The following SPOCK3 variants were observed in gnomAD, a reference collection of about 807,000 sequenced individuals.
The protein encoded by SPOCK3 is testican-3.
A neutral mutation model predicts 56.6 loss-of-function variants in SPOCK3; 30 were observed. That is an observed-to-expected ratio of 0.53 (90% CI 0.40 to 0.72). SPOCK3 has a LOEUF of 0.72. Among genes scored for constraint, SPOCK3 ranks in the 30% least tolerant of loss-of-function variants. SPOCK3 has a pLI of 0.00. For synonymous variants in SPOCK3, 196 were observed against 183.3 expected, an observed-to-expected ratio of 1.07 and a Z score of -0.56; for missense variants, 527 against 530.0, an observed-to-expected ratio of 0.99 and a Z score of 0.06.
chr4:166,754,485 T>C lies in SPOCK3; in HGVS notation c.931+23A>G, dbSNP rs776494625. On this transcript the variant is annotated intron_variant, in intron 8 of 10. Transcript: ENST00000357545. ...TTGACATGCAGGTCAACTATTTGCG[T>C]CTGTAAGGGTCTCATCTTTTACCTT... 24 of 1,594,582 alleles carry C rather than the reference T, an allele frequency of 1.5e-5. No homozygotes were observed. The East Asian group carries it at 4.7e-4, about 31-fold the overall frequency.
chr4:166,836,981 G>A (rs1746684470), intron 6 of SPOCK3, among the ~76,000 whole-genome samples: 1 of 152,078 alleles, frequency 6.6e-6, no homozygotes, highest in Non-Finnish European at 1.5e-5. Flanking sequence ...TACTGTATTT[G>A]GAATTGAGTT....
chr4:166,787,670 T>C (rs62355212), intron 7 of SPOCK3, among the ~76,000 whole-genome samples: 35,208 of 152,064 alleles, frequency 0.23, 4,619 homozygotes, highest in East Asian at 0.39. Context: ...TAAGAATAAC[T>C]CTGTTTTAAA....
chr4:167,021,528 C>T (rs995187925), intron 3 of SPOCK3, among the ~76,000 whole-genome samples: 1 of 151,958 alleles, frequency 6.6e-6, no homozygotes, highest in African/African-American at 2.4e-5. Context: ...ACTGTGGTAA[C>T]TTAGGCAAGG....
At chr4:167,200,480 A>G (rs1376282324) in intron 2 of SPOCK3, among the ~76,000 whole-genome samples, 1 of 152,056 alleles carries the variant, frequency 6.6e-6, no homozygotes, top group East Asian at 1.9e-4. Context: ...TCCATCAGCC[A>G]CTAGATACAC....
rs186937237 is a variant in SPOCK3, at chr4:166,765,910, T to G, written c.710-11181A>C. Among the ~76,000 whole-genome samples, 718 of 151,958 alleles carry G rather than the reference T, an allele frequency of 4.7e-3. 4 individuals carry two copies. Among genetic ancestry groups the G allele is most frequent in the African/African-American group, 0.016 (651 of 41,516 alleles). ...CTTGAAGAGGTCCTTCACATCCCTTTTAAGTTGGATTCCTAGGTATTTTAT... is the reference window on the plus strand; with the variant it reads ...CTTGAAGAGGTCCTTCACATCCCTTGTAAGTTGGATTCCTAGGTATTTTAT... On this transcript the variant is annotated intron_variant, in intron 7 of 10. Coordinates refer to ENST00000357545, the MANE Select transcript of SPOCK3 (RefSeq NM_001040159.2).
chr4:166,823,789 T>C (rs1326638482), intron 6 of SPOCK3, among the ~76,000 whole-genome samples: 3 of 152,104 alleles, frequency 2.0e-5, no homozygotes, highest in Admixed American at 1.3e-4. Flanking sequence ...CTCTAAGTTA[T>C]TGATTTCTTG....
chr4:166,775,904 G>T (rs1314376652), intron 7 of SPOCK3, among the ~76,000 whole-genome samples: 1 of 152,072 alleles, frequency 6.6e-6, no homozygotes, highest in East Asian at 1.9e-4. Context: ...ATATAAATGT[G>T]CATTCAAACA....
intron 2 of SPOCK3, among the ~76,000 whole-genome samples, chr4:167,172,290 T>C (rs1730572490): frequency 6.6e-6 from 1 of 152,210 alleles, no homozygotes; most frequent in African/African-American, 2.4e-5. Context: ...ACAAACTTCA[T>C]TGACTTAATA....
At chr4:167,065,871 A>G (rs1219673652) in intron 2 of SPOCK3, among the ~76,000 whole-genome samples, 1 of 151,860 alleles carries the variant, frequency 6.6e-6, no homozygotes, top group Non-Finnish European at 1.5e-5. Context: ...GATTTAGAAA[A>G]CAACTACAAG....
intron 6 of SPOCK3, among the ~76,000 whole-genome samples, chr4:166,862,006 A>G (rs1731290597): frequency 6.6e-6 from 1 of 152,068 alleles, no homozygotes; most frequent in Non-Finnish European, 1.5e-5. Context: ...ATCCTAGCAA[A>G]TCTGAATGAT....
intron 6 of SPOCK3, among the ~76,000 whole-genome samples, chr4:166,840,928 G>A (rs1560916361): frequency 6.6e-6 from 1 of 151,730 alleles, no homozygotes; most frequent in Non-Finnish European, 1.5e-5. Context: ...ATAGGTGCCC[G>A]CCACCACGCC....
At chr4:167,019,239 G>T (rs796920519) in intron 3 of SPOCK3, among the ~76,000 whole-genome samples, 36 of 152,044 alleles carry the variant, frequency 2.4e-4, no homozygotes, top group African/African-American at 6.5e-4. Flanking sequence ...TGGGTCTTTG[G>T]CACCCATTTT....
At chr4:167,112,798 A>G (rs2629387) in intron 2 of SPOCK3, among the ~76,000 whole-genome samples, 23,578 of 151,570 alleles carry the variant, frequency 0.16, 2,154 homozygotes, top group Middle Eastern at 0.22. Context: ...CCCATCAAAA[A>G]TTTCCCTAAA....
At chr4:167,104,267 T>C (rs185552484) in intron 2 of SPOCK3, among the ~76,000 whole-genome samples, 13 of 152,128 alleles carry the variant, frequency 8.5e-5, no homozygotes, top group Admixed American at 5.9e-4. Context: ...CCTGGAGAAA[T>C]AGAGATATGT....
At chr4:166,803,101 C>T (rs1360711077) in intron 6 of SPOCK3, among the ~76,000 whole-genome samples, 1 of 152,064 alleles carries the variant, frequency 6.6e-6, no homozygotes, top group African/African-American at 2.4e-5. Flanking sequence ...TTATTCCTTA[C>T]CAAGGATTAT....
At chr4:166,869,305 T>G (rs1732206632) in intron 6 of SPOCK3, among the ~76,000 whole-genome samples, 4 of 152,102 alleles carry the variant, frequency 2.6e-5, no homozygotes. Context: ...CTTAAAGCAG[T>G]AGGCATAAGG....
At chr4:166,919,229 C>T (rs190262129) in intron 4 of SPOCK3, among the ~76,000 whole-genome samples, 98 of 152,060 alleles carry the variant, frequency 6.4e-4, no homozygotes, top group South Asian at 3.5e-3. Flanking sequence ...GAAAAGTTAC[C>T]AAGAAATCAA....
chr4:167,169,300 C>T (rs1730288061), intron 2 of SPOCK3, among the ~76,000 whole-genome samples: 2 of 152,180 alleles, frequency 1.3e-5, no homozygotes, highest in African/African-American at 2.4e-5. Flanking sequence ...CATTCAATGC[C>T]AGACTGTGAA....
chr4:166,786,019 G>C (rs1740692897), intron 7 of SPOCK3, among the ~76,000 whole-genome samples: 1 of 152,122 alleles, frequency 6.6e-6, no homozygotes. Flanking sequence ...GAGAAAATAA[G>C]CTGGTAAACA....
Sources: allele counts gnomAD v4.1 joint callset (sites outside exome capture counted in the v4.1 genomes callset), GRCh38; gene constraint gnomAD v4.1.1; transcripts MANE v1.5; gene names NCBI Gene and HGNC (gene_info 2026-07-23, HGNC 2026-07-21).